Variants in OXCT1 observed in about 807,000 individuals in gnomAD.
OXCT1 encodes 3-oxoacid CoA-transferase 1.
OXCT1 carries 27 observed loss-of-function variants against 69.6 expected under a neutral mutation model. That is an observed-to-expected ratio of 0.39 (90% CI 0.29 to 0.54). OXCT1 has a LOEUF of 0.54. Among genes scored for constraint, OXCT1 ranks in the 20% least tolerant of loss-of-function variants. The pLI, the probability that OXCT1 is intolerant of heterozygous loss-of-function variation, is 0.72. For synonymous variants in OXCT1, 202 were observed against 217.8 expected (o/e 0.93, Z 0.64); for missense variants, 437 against 650.2 (o/e 0.67, Z 3.57).
chr5:41,812,889 G>A (rs1262544817), intron 7 of OXCT1, among the ~76,000 whole-genome samples: 1 of 151,936 alleles, frequency 6.6e-6, no homozygotes, highest in Admixed American at 6.6e-5. Context: ...TTACAGTCAA[G>A]CGAAAAATGG....
intron 3 of OXCT1, among the ~76,000 whole-genome samples, chr5:41,857,378 C>T (rs1749480043): frequency 6.6e-6 from 1 of 152,200 alleles, no homozygotes; most frequent in Admixed American, 6.5e-5. Flanking sequence ...TCACTCCACC[C>T]ATTCTCCTTT....
intron 16 of OXCT1, among the ~76,000 whole-genome samples, chr5:41,734,345 C>T (rs1742783536): frequency 6.6e-6 from 1 of 152,048 alleles, no homozygotes; most frequent in South Asian, 2.1e-4. Flanking sequence ...AATATTGTTT[C>T]AAAAGAGGTC....
At position 41,870,304 on chromosome 5, in the gene OXCT1, C is replaced by T; in HGVS notation, c.55G>A (p.Gly19Arg). Residue 19 changes from glycine (G) to arginine (R), a missense_variant, in exon 1 of 17, where the codon GGA becomes AGA. Coordinates refer to ENST00000196371, the MANE Select transcript of OXCT1 (RefSeq NM_000436.4). This position sits in a 1 kb window ranked among gnomAD's most constrained non-coding sequence, Gnocchi z 4.2. Reference protein sequence around the residue: ...SGLRLCASARGSGATWYKGCV... With the variant: ...SGLRLCASARRSGATWYKGCV... ...ACCTTGTACCAGGTTGCCCCAGATC[C>T]GCGGGCAGAGGCGCAGAGCCGAAGC... is the stretch of plus-strand genomic sequence containing the variant. 1 of 1,614,008 alleles carries T rather than the reference C, an allele frequency of 6.2e-7. No individual in the cohort carries two copies. Among genetic ancestry groups the T allele is most frequent in the Non-Finnish European group, 8.5e-7 (1 of 1,179,892 alleles).
intron 16 of OXCT1, among the ~76,000 whole-genome samples, chr5:41,738,456 GCA>G (rs1469533948): frequency 6.6e-6 from 1 of 152,086 alleles, no homozygotes; most frequent in Admixed American, 6.6e-5. Flanking sequence ...CAGTTTCCCT[GCA>G]CACACTCTCT....
intron 7 of OXCT1, among the ~76,000 whole-genome samples, chr5:41,818,466 T>C (rs1312057594): frequency 6.6e-6 from 1 of 152,118 alleles, no homozygotes; most frequent in Non-Finnish European, 1.5e-5. Context: ...GGAAAAGCTA[T>C]CAGAAATGGT....
chr5:41,822,186 G>C (rs912858541), intron 7 of OXCT1, among the ~76,000 whole-genome samples: 1 of 152,100 alleles, frequency 6.6e-6, no homozygotes, highest in African/African-American at 2.4e-5. Flanking sequence ...GAAGTAAATG[G>C]AACTGGTGAT....
intron 13 of OXCT1, among the ~76,000 whole-genome samples, chr5:41,779,769 T>G (rs971056427): frequency 1.4e-5 from 2 of 143,942 alleles, no homozygotes; most frequent in Non-Finnish European, 3.1e-5. Context: ...CAAAAAGCAA[T>G]GTAAAGAGTA....
intron 11 of OXCT1, 91 bp downstream of exon 11, chr5:41,800,931 C>T: frequency 9.0e-7 from 1 of 1,113,152 alleles, no homozygotes; most frequent in Non-Finnish European, 1.4e-6. Context: ...ATGGAGTGCT[C>T]TCCAGGAAAA....
Position 41,792,508 on chromosome 5 carries a change from T to C in OXCT1, c.1248+1495A>G, listed in dbSNP as rs1004635238. Among the ~76,000 whole-genome samples, 4 of 152,328 alleles carry C rather than the reference T, an allele frequency of 2.6e-5. No individual in the cohort carries two copies. The East Asian group carries it at 7.7e-4, about 29-fold the overall frequency. ...CTAAAACCCAGGGCTTGCTTTCCTATAGTCACTCTACTACCCCGTATGGCC... is the reference window on the plus strand; with the variant it reads ...CTAAAACCCAGGGCTTGCTTTCCTACAGTCACTCTACTACCCCGTATGGCC... On this transcript the variant is annotated intron_variant, in intron 13 of 16. Coordinates refer to ENST00000196371, the MANE Select transcript of OXCT1 (RefSeq NM_000436.4).
At chr5:41,848,265 G>T (rs1425915526) in intron 5 of OXCT1, among the ~76,000 whole-genome samples, 1 of 151,800 alleles carries the variant, frequency 6.6e-6, no homozygotes, top group Non-Finnish European at 1.5e-5. Context: ...ACAAACCACT[G>T]CTCAAGGAAA....
intron 7 of OXCT1, among the ~76,000 whole-genome samples, chr5:41,829,995 T>C (rs1252101351): frequency 6.6e-6 from 1 of 152,218 alleles, no homozygotes; most frequent in African/African-American, 2.4e-5. Flanking sequence ...AGTATGCTTA[T>C]GTTAGGACAT....
chr5:41,734,143 G>A (rs2111970147), intron 16 of OXCT1, among the ~76,000 whole-genome samples: 1 of 152,156 alleles, frequency 6.6e-6, no homozygotes, highest in East Asian at 1.9e-4. Context: ...GTATATTCCT[G>A]CCTGGAGAAT....
chr5:41,753,310 G>GACACACACACACACAC (rs56169527), intron 14 of OXCT1, among the ~76,000 whole-genome samples: 1 of 149,886 alleles, frequency 6.7e-6, no homozygotes, highest in Non-Finnish European at 1.5e-5. Context: ...CACACACATA[G>GACACACACACACACAC]ACACACACAC....
At chr5:41,746,225 T>C (rs1743482497) in intron 15 of OXCT1, among the ~76,000 whole-genome samples, 1 of 152,176 alleles carries the variant, frequency 6.6e-6, no homozygotes, top group Non-Finnish European at 1.5e-5. Flanking sequence ...GCTTCATCCC[T>C]GGGATGCAAG....
chr5:41,813,329 C>T (rs1050587373), intron 7 of OXCT1, among the ~76,000 whole-genome samples: 1 of 151,990 alleles, frequency 6.6e-6, no homozygotes, highest in African/African-American at 2.4e-5. Flanking sequence ...TATATGGTGG[C>T]TTGATAAAGC....
rs1742572768 is a variant in OXCT1 at position 41,730,627 on chromosome 5, T to C, written c.*1102A>G. 1 of 152,178 alleles carries C rather than the reference T, an allele frequency of 6.6e-6. No homozygotes were observed. The highest frequency in any genetic ancestry group is 2.4e-5 in the African/African-American group (1 of 41,440). The allele number at this position is 152,178 out of a possible 1,614,324, so 9.4% of individuals were successfully genotyped here. ...CATTCCCATGGGCCCCTGTCAGGTA[T>C]TGAGAATAAATACCTCTAAGGAAGT... On this transcript the variant is annotated 3_prime_UTR_variant, in exon 17 of 17. Transcript: ENST00000196371.
chr5:41,807,324 C>A lies in OXCT1; in HGVS notation c.840+7G>T. ...ATGAATACTGACAAAGCAGCTAAGTCAATTACCTCAATTCTTTTCTCATAT... is the reference window on the plus strand; with the variant it reads ...ATGAATACTGACAAAGCAGCTAAGTAAATTACCTCAATTCTTTTCTCATAT... On this transcript the variant is annotated splice_region_variant and intron_variant, in intron 8 of 16. Transcript: ENST00000196371. 1 of 1,398,762 alleles carries A rather than the reference C, an allele frequency of 7.1e-7. No individual in the cohort carries two copies. Among genetic ancestry groups the A allele is most frequent in the South Asian group, 1.2e-5 (1 of 86,608 alleles). 86.6% of individuals were successfully genotyped at this position (1,398,762 alleles called of 1,614,324 possible). A position where few individuals can be genotyped will look rare whatever the true frequency, so the allele number is the denominator to read the frequency against.
intron 13 of OXCT1, among the ~76,000 whole-genome samples, chr5:41,781,614 A>G (rs1745403843): frequency 6.6e-6 from 1 of 151,682 alleles, no homozygotes. Flanking sequence ...CTCCCCCCAT[A>G]CCCCAACAGG....
chr5:41,778,571 A>G (rs1745237759), intron 13 of OXCT1, among the ~76,000 whole-genome samples: 1 of 152,178 alleles, frequency 6.6e-6, no homozygotes, highest in African/African-American at 2.4e-5. Flanking sequence ...CCCCCAAATA[A>G]AAGCCAACTG....
Sources: allele counts gnomAD v4.1 joint callset (sites outside exome capture counted in the v4.1 genomes callset), GRCh38; gene constraint gnomAD v4.1.1; non-coding constraint Gnocchi (gnomAD v3.1); transcripts MANE v1.5; gene names NCBI Gene and HGNC (gene_info 2026-07-23, HGNC 2026-07-21).